Variants in FRRS1L observed in about 807,000 individuals in gnomAD.
FRRS1L encodes the protein ferric chelate reductase 1 like, also known as DOMON domain-containing protein FRRS1L.
FRRS1L carries 22 observed loss-of-function variants against 28.6 expected under a neutral mutation model. That is an observed-to-expected ratio of 0.77 (90% CI 0.55 to 1.10). The LOEUF is 1.10. Ranked by LOEUF, FRRS1L falls within the 50% of genes least tolerant of loss-of-function variation. The pLI, the probability that FRRS1L is intolerant of heterozygous loss-of-function variation, is 0.00. For missense variants in FRRS1L, 380 were observed against 386.9 expected (o/e 0.98, Z 0.15); for synonymous variants, 158 against 151.4 (o/e 1.04, Z -0.32).
chr9:109,141,621 G>A (rs1439585070), intron 3 of FRRS1L, 32 bp from the exon 4 acceptor site: 1 of 1,521,360 alleles, frequency 6.6e-7, no homozygotes, highest in Non-Finnish European at 9.0e-7. Flanking sequence ...AAAAAAAAAA[G>A]TCAAAGGTTC....
Position 109,133,431 on chromosome 9 carries a change from G to GC in FRRS1L, c.*4023_*4024insG, listed in dbSNP as rs1554731752. The GC allele has an allele frequency of 6.6e-6, 1 of 152,130 alleles. No individual in the cohort carries two copies. Among genetic ancestry groups the GC allele is most frequent in the Non-Finnish European group, 1.5e-5 (1 of 68,020 alleles). 9.4% of individuals were successfully genotyped at this position (152,130 alleles called of 1,614,324 possible). ...AATTAATTGTAAATTACTAAATGGG[G>GC]GAAAAAAGGCACCTAGCTAATTGGA... On this transcript the variant is annotated 3_prime_UTR_variant, in exon 5 of 5. Transcript: ENST00000561981.
rs780182460 is a variant in FRRS1L, at chr9:109,147,096, G to A, written c.417C>T (p.Asp139=). 6.2e-7 allele frequency: 1 copy of A among 1,613,678 alleles called. No homozygotes were observed. The highest frequency in any genetic ancestry group is 8.5e-7 in the Non-Finnish European group (1 of 1,179,588). Residue 139 remains aspartate, a synonymous_variant, in exon 3 of 5, where the codon GAC becomes GAT. Coordinates refer to ENST00000561981, the MANE Select transcript of FRRS1L (RefSeq NM_014334.4). Reference sequence around the variant, plus strand: ...ATCCAACTGCTACCCAACCATCTGTGTCTGCACTCAGCTCAAATTCTACAT... The same window carrying A: ...ATCCAACTGCTACCCAACCATCTGTATCTGCACTCAGCTCAAATTCTACAT... ...GADVEFELSA[D]TDGWVAVGFS...
chr9:109,143,680 A>G (rs1011191545), intron 3 of FRRS1L, among the ~76,000 whole-genome samples: 19 of 151,570 alleles, frequency 1.3e-4, no homozygotes, highest in Non-Finnish European at 2.2e-4. Flanking sequence ...ATGCCCAGCT[A>G]ATTTTTGTAT....
At chr9:109,149,610 G>C in intron 2 of FRRS1L, 26 bp downstream of exon 2, 1 of 1,503,066 alleles carries the variant, frequency 6.7e-7, no homozygotes, top group Non-Finnish European at 9.3e-7. Context: ...TAGCCTTAAA[G>C]TTATCCAACC....
At chr9:109,148,949 T>A (rs545938994) in intron 2 of FRRS1L, among the ~76,000 whole-genome samples, 2 of 152,320 alleles carry the variant, frequency 1.3e-5, no homozygotes, top group South Asian at 4.1e-4. Flanking sequence ...AGACCTTAAG[T>A]ACTGAACAAC....
intron 1 of FRRS1L, among the ~76,000 whole-genome samples, chr9:109,160,699 C>A (rs1026182892): frequency 6.6e-6 from 1 of 151,924 alleles, no homozygotes; most frequent in African/African-American, 2.4e-5. Flanking sequence ...GAAACCAGAG[C>A]CTGACTTTTG....
At chr9:109,146,149 G>A (rs1490319154) in intron 3 of FRRS1L, among the ~76,000 whole-genome samples, 1 of 149,790 alleles carries the variant, frequency 6.7e-6, no homozygotes, top group African/African-American at 2.5e-5. Flanking sequence ...ATGAGCCAAG[G>A]TCACACCATT....
chr9:109,131,661 A>T lies in FRRS1L; in HGVS notation c.*5794T>A, dbSNP rs761085005. 1 of 152,258 alleles carries T rather than the reference A, an allele frequency of 6.6e-6. No homozygotes were observed. Among genetic ancestry groups the T allele is most frequent in the African/African-American group, 2.4e-5 (1 of 41,460 alleles). 9.4% of individuals were successfully genotyped at this position (152,258 alleles called of 1,614,324 possible). A position where few individuals can be genotyped will look rare whatever the true frequency, so the allele number is the denominator to read the frequency against. On this transcript the variant is annotated 3_prime_UTR_variant, in exon 5 of 5. Coordinates refer to ENST00000561981, the MANE Select transcript of FRRS1L (RefSeq NM_014334.4). ...CATTGTAAGTTGTAGGAATGTATCA[A>T]ATGTATATCACTTTCATATCATCGT... is the stretch of plus-strand genomic sequence containing the variant.
In FRRS1L at chr9:109,147,204, G is replaced by C; in HGVS notation, c.324-15C>G. On this transcript the variant is annotated splice_polypyrimidine_tract_variant and intron_variant, in intron 2 of 4. Coordinates refer to ENST00000561981, the MANE Select transcript of FRRS1L (RefSeq NM_014334.4). ...GTTTGCCATATCTAGAAGAGATATC[G>C]AAAGAGACTTTACTGCTTCTACTTA... is the stretch of plus-strand genomic sequence containing the variant. 6.2e-7 allele frequency: 1 copy of C among 1,606,526 alleles called. No individual in the cohort carries two copies. Among genetic ancestry groups the C allele is most frequent in the Non-Finnish European group, 8.5e-7 (1 of 1,173,572 alleles).
intron 1 of FRRS1L, among the ~76,000 whole-genome samples, chr9:109,164,475 C>A (rs1021827310): frequency 4.0e-5 from 6 of 150,360 alleles, no homozygotes; most frequent in African/African-American, 1.5e-4. Context: ...CAGCTCACTG[C>A]AACCTCCCCA....
chr9:109,161,535 C>G (rs1831480926), intron 1 of FRRS1L, among the ~76,000 whole-genome samples: 1 of 152,066 alleles, frequency 6.6e-6, no homozygotes, highest in African/African-American at 2.4e-5. Flanking sequence ...ATTGCTGAAC[C>G]ATGAAAGGTG....
chr9:109,153,610 A>C (rs997729209), intron 1 of FRRS1L, among the ~76,000 whole-genome samples: 3 of 152,202 alleles, frequency 2.0e-5, no homozygotes, highest in Non-Finnish European at 4.4e-5. Flanking sequence ...AAATAATAGA[A>C]GCTGAAGTGG....
intron 1 of FRRS1L, chr9:109,152,186 G>C (rs968794335): frequency 1.3e-5 from 2 of 151,646 alleles, no homozygotes; most frequent in Non-Finnish European, 2.9e-5. Context: ...GCCTTGCTCT[G>C]TTGCCCAGGC....
chr9:109,157,155 A>C (rs914771140), intron 1 of FRRS1L, among the ~76,000 whole-genome samples: 3 of 152,184 alleles, frequency 2.0e-5, no homozygotes, highest in Non-Finnish European at 4.4e-5. Context: ...ATTTACAGAC[A>C]TAGGTGATTT....
At chr9:109,154,393 T>A (rs550352650) in intron 1 of FRRS1L, among the ~76,000 whole-genome samples, 1 of 152,350 alleles carries the variant, frequency 6.6e-6, no homozygotes, top group South Asian at 2.1e-4. Flanking sequence ...TCCATCTTTC[T>A]TACTGGAACT....
intron 1 of FRRS1L, among the ~76,000 whole-genome samples, chr9:109,160,225 G>T (rs1831463242): frequency 6.6e-6 from 1 of 151,990 alleles, no homozygotes; most frequent in African/African-American, 2.4e-5. Flanking sequence ...TTTCTCCCTG[G>T]ATATTCCACA....
chr9:109,137,689 G>A (rs1189231160), intron 4 of FRRS1L, 62 bp from the exon 5 acceptor site: 1 of 1,043,288 alleles, frequency 9.6e-7, no homozygotes, highest in Non-Finnish European at 1.3e-6. Context: ...TAATGGTATA[G>A]GCAAACAATG....
At chr9:109,139,814 T>C (rs1831157296) in intron 4 of FRRS1L, 1 of 152,174 alleles carries the variant, frequency 6.6e-6, no homozygotes, top group Admixed American at 6.5e-5. Context: ...AAAGGTAGAT[T>C]ATGTCATCTC....
intron 1 of FRRS1L, among the ~76,000 whole-genome samples, chr9:109,159,259 T>C (rs533649080): frequency 6.6e-6 from 1 of 152,356 alleles, no homozygotes; most frequent in East Asian, 1.9e-4. Flanking sequence ...TCTTTTTTTC[T>C]TGATTAATTT....
Sources: allele counts gnomAD v4.1 joint callset (sites outside exome capture counted in the v4.1 genomes callset), GRCh38; gene constraint gnomAD v4.1.1; transcripts MANE v1.5; gene names NCBI Gene and HGNC (gene_info 2026-07-23, HGNC 2026-07-21).